The following POU6F2 variants were observed in gnomAD, a reference collection of about 807,000 sequenced individuals.
POU6F2 encodes POU domain, class 6, transcription factor 2.
POU6F2 carries 31 observed loss-of-function variants against 71.3 expected under a neutral mutation model. The observed-to-expected ratio is 0.43, with a 90% CI of 0.33 to 0.59. The LOEUF is 0.59. Among genes scored for constraint, POU6F2 ranks in the 20% least tolerant of loss-of-function variants. The pLI, the probability that POU6F2 is intolerant of heterozygous loss-of-function variation, is 0.04. For missense variants in POU6F2, 783 were observed against 856.8 expected, an observed-to-expected ratio of 0.91 and a Z score of 1.07; for synonymous variants, 347 against 355.7, an observed-to-expected ratio of 0.98 and a Z score of 0.27.
chr7:39,381,432 G>A (rs1461241950), intron 5 of POU6F2, among the ~76,000 whole-genome samples: 1 of 151,978 alleles, frequency 6.6e-6, no homozygotes, highest in East Asian at 1.9e-4. Context: ...AGTAGAGATG[G>A]GGTTTCACCA....
At chr7:39,268,640 C>T (rs916586075) in intron 4 of POU6F2, among the ~76,000 whole-genome samples, 4 of 152,206 alleles carry the variant, frequency 2.6e-5, no homozygotes, top group South Asian at 2.1e-4. Context: ...ATGGATACAG[C>T]GTGGCTCTTG....
intron 2 of POU6F2, among the ~76,000 whole-genome samples, chr7:39,151,771 G>A (rs1156539310): frequency 6.6e-6 from 1 of 152,144 alleles, no homozygotes; most frequent in East Asian, 1.9e-4. Flanking sequence ...GCCCTTAACT[G>A]TGTGAACATT....
chr7:39,014,218 C>G (rs1353794056), intron 1 of POU6F2, among the ~76,000 whole-genome samples: 1 of 152,130 alleles, frequency 6.6e-6, no homozygotes, highest in Non-Finnish European at 1.5e-5. Context: ...GCAGCAGAAC[C>G]TTCAGAGAGG....
intron 4 of POU6F2, among the ~76,000 whole-genome samples, chr7:39,236,702 CA>C (rs2128750795): frequency 6.6e-6 from 1 of 152,196 alleles, no homozygotes; most frequent in South Asian, 2.1e-4. Context: ...ATTTATCATA[CA>C]TCGTTTTAGA....
At chr7:39,184,946 G>T (rs571338492) in intron 2 of POU6F2, among the ~76,000 whole-genome samples, 1 of 152,296 alleles carries the variant, frequency 6.6e-6, no homozygotes, top group South Asian at 2.1e-4. Context: ...AAGAAAAAGT[G>T]AGTTATTGAT....
At chr7:39,361,576 T>A (rs1786390732) in intron 5 of POU6F2, among the ~76,000 whole-genome samples, 1 of 152,282 alleles carries the variant, frequency 6.6e-6, no homozygotes, top group African/African-American at 2.4e-5. Context: ...TCAGGCTTGC[T>A]GCTGGAAATT....
At chr7:39,453,902 T>C (rs181382785) in intron 8 of POU6F2, among the ~76,000 whole-genome samples, 1 of 152,288 alleles carries the variant, frequency 6.6e-6, no homozygotes. Flanking sequence ...AGCTCCACAG[T>C]TGTCTCTGCA....
chr7:39,350,091 A>G (rs975424649), intron 5 of POU6F2, among the ~76,000 whole-genome samples: 2 of 152,208 alleles, frequency 1.3e-5, no homozygotes, highest in Non-Finnish European at 2.9e-5. Flanking sequence ...CAACCCTTCC[A>G]GCCCGTTTTG....
chr7:39,460,774 G>T lies in POU6F2; in HGVS notation c.1658+59G>T. On this transcript the variant is annotated intron_variant, in intron 9 of 9. Transcript: ENST00000518318. The surrounding 1 kb of genome is among the most constrained non-coding windows in gnomAD (Gnocchi z 4.4). ...GCCGCCCTGGGCCTCATTTGTCCTC[G>T]CGGTTCAGCTTTTCTTCGTCGGGTG... 1 of 1,457,572 alleles carries T rather than the reference G, an allele frequency of 6.9e-7. No individual in the cohort carries two copies. Among genetic ancestry groups the T allele is most frequent in the Admixed American group, 2.6e-5 (1 of 38,196 alleles). The allele number at this position is 1,457,572 out of a possible 1,614,324, so 90.3% of individuals were successfully genotyped here. A position where few individuals can be genotyped will look rare whatever the true frequency, so the allele number is the denominator to read the frequency against.
chr7:39,250,537 C>T (rs4599718), intron 4 of POU6F2, among the ~76,000 whole-genome samples: 102,790 of 152,038 alleles, frequency 0.68, 35,125 homozygotes, highest in East Asian at 0.97. Context: ...TCCTTATTCA[C>T]TAATAGTTCT....
chr7:39,198,371 C>T (rs1271570488), intron 2 of POU6F2, among the ~76,000 whole-genome samples: 2 of 152,154 alleles, frequency 1.3e-5, no homozygotes, highest in Admixed American at 1.3e-4. Flanking sequence ...TCTAACTGTC[C>T]CAAATCTCCC....
At chr7:39,458,700 A>G (rs1237648450) in intron 8 of POU6F2, among the ~76,000 whole-genome samples, 1 of 152,080 alleles carries the variant, frequency 6.6e-6, no homozygotes, top group African/African-American at 2.4e-5. Flanking sequence ...AGTCAAACCA[A>G]TTTTATAGTC....
chr7:39,290,426 T>G (rs911224099), intron 4 of POU6F2, among the ~76,000 whole-genome samples: 5 of 152,226 alleles, frequency 3.3e-5, no homozygotes, highest in African/African-American at 1.2e-4. Context: ...TTGAGCTTTG[T>G]GCTCTGATAT....
intron 6 of POU6F2, among the ~76,000 whole-genome samples, chr7:39,411,817 C>T (rs1000541699): frequency 6.6e-6 from 1 of 152,130 alleles, no homozygotes; most frequent in Non-Finnish European, 1.5e-5. Context: ...CCATTGATTG[C>T]CACTCAACTC....
At chr7:39,023,982 A>G (rs1189656658) in intron 1 of POU6F2, among the ~76,000 whole-genome samples, 2 of 152,006 alleles carry the variant, frequency 1.3e-5, no homozygotes, top group Non-Finnish European at 2.9e-5. Flanking sequence ...TGACTTGGAG[A>G]TGTGGGCTCT....
chr7:39,370,616 C>A (rs1394656067), intron 5 of POU6F2, among the ~76,000 whole-genome samples: 1 of 152,218 alleles, frequency 6.6e-6, no homozygotes, highest in Non-Finnish European at 1.5e-5. Flanking sequence ...CCCACCTCTG[C>A]CTAAATTAAT....
chr7:39,171,435 C>A (rs1169584045), intron 2 of POU6F2, among the ~76,000 whole-genome samples: 1 of 152,100 alleles, frequency 6.6e-6, no homozygotes, highest in Admixed American at 6.5e-5. Context: ...TCCTTTTAAT[C>A]AGGGAAACAA....
intron 1 of POU6F2, among the ~76,000 whole-genome samples, chr7:38,997,694 A>G (rs1788777713): frequency 6.6e-6 from 1 of 152,210 alleles, no homozygotes; most frequent in Admixed American, 6.5e-5. Context: ...CATTCACCCA[A>G]CAAATGCTTA....
intron 5 of POU6F2, among the ~76,000 whole-genome samples, chr7:39,352,397 C>T (rs980549905): frequency 3.3e-5 from 5 of 152,110 alleles, no homozygotes; most frequent in South Asian, 2.1e-4. Flanking sequence ...TGAGGGGAGG[C>T]GGCAGCTTCT....
Sources: allele counts gnomAD v4.1 joint callset (sites outside exome capture counted in the v4.1 genomes callset), GRCh38; gene constraint gnomAD v4.1.1; non-coding constraint Gnocchi (gnomAD v3.1); transcripts MANE v1.5; gene names NCBI Gene and HGNC (gene_info 2026-07-23, HGNC 2026-07-21).